The following MARCHF8 variants were observed in gnomAD, a reference collection of about 807,000 sequenced individuals.
The protein encoded by MARCHF8 is membrane associated ring-CH-type finger 8.
MARCHF8 carries 40 observed loss-of-function variants against 51.6 expected under a neutral mutation model. That is an observed-to-expected ratio of 0.77 (90% CI 0.60 to 1.01). MARCHF8 has a LOEUF of 1.01. Among genes scored for constraint, MARCHF8 ranks in the 50% least tolerant of loss-of-function variants. The pLI is 0.00. For synonymous variants in MARCHF8, 263 were observed against 280.3 expected (o/e 0.94, Z 0.62); for missense variants, 685 against 708.6 (o/e 0.97, Z 0.38).
chr10:45,481,184 A>C (rs1306593209), intron 3 of MARCHF8, among the ~76,000 whole-genome samples: 1 of 152,138 alleles, frequency 6.6e-6, no homozygotes, highest in Non-Finnish European at 1.5e-5. Flanking sequence ...ATTTGGAATG[A>C]GTGTATTTAT....
chr10:45,568,365 G>A (rs2044388554), intron 1 of MARCHF8, among the ~76,000 whole-genome samples: 2 of 152,118 alleles, frequency 1.3e-5, no homozygotes, highest in Admixed American at 6.5e-5. Flanking sequence ...TGGAGCAAGG[G>A]TGTCCAATTT....
At chr10:45,581,789 T>C (rs1322619748) in intron 1 of MARCHF8, among the ~76,000 whole-genome samples, 1 of 152,080 alleles carries the variant, frequency 6.6e-6, no homozygotes, top group Admixed American at 6.5e-5. Context: ...AAACTCAAAG[T>C]TCCCAGCTTA....
intron 1 of MARCHF8, among the ~76,000 whole-genome samples, chr10:45,550,407 C>T (rs2044181739): frequency 6.6e-6 from 1 of 152,158 alleles, no homozygotes; most frequent in Non-Finnish European, 1.5e-5. Flanking sequence ...AAGTTTGTAA[C>T]AGAAAAATCG....
At chr10:45,524,296 A>G (rs1303510139) in intron 2 of MARCHF8, among the ~76,000 whole-genome samples, 1 of 152,220 alleles carries the variant, frequency 6.6e-6, no homozygotes, top group Non-Finnish European at 1.5e-5. Flanking sequence ...AGCATGCTAC[A>G]ACTTTCTATA....
chr10:45,506,298 A>G (rs1348434646), intron 2 of MARCHF8, among the ~76,000 whole-genome samples: 1 of 152,230 alleles, frequency 6.6e-6, no homozygotes, highest in African/African-American at 2.4e-5. Context: ...AAACAGTTGT[A>G]TCTTTACTGA....
At chr10:45,592,376 T>C (rs887052444) in intron 1 of MARCHF8, among the ~76,000 whole-genome samples, 1 of 152,196 alleles carries the variant, frequency 6.6e-6, no homozygotes, top group Non-Finnish European at 1.5e-5. Flanking sequence ...TCCTGATTAC[T>C]TGGCATCAGA....
At chr10:45,541,789 T>C (rs1052934761) in intron 1 of MARCHF8, among the ~76,000 whole-genome samples, 1 of 152,086 alleles carries the variant, frequency 6.6e-6, no homozygotes, top group Non-Finnish European at 1.5e-5. Context: ...AGTCAACAGA[T>C]AATAGCTAAT....
chr10:45,526,762 GAACA>G (rs574665884), intron 2 of MARCHF8, among the ~76,000 whole-genome samples: 50 of 150,526 alleles, frequency 3.3e-4, no homozygotes, highest in Admixed American at 1.1e-3. Context: ...TTGGACTGTA[GAACA>G]AATAGACCTA....
chr10:45,491,818 A>G (rs907304877), intron 2 of MARCHF8, among the ~76,000 whole-genome samples: 2 of 152,218 alleles, frequency 1.3e-5, no homozygotes, highest in Non-Finnish European at 2.9e-5. Context: ...CAGAAAGCCA[A>G]TTATAACCAC....
intron 2 of MARCHF8, among the ~76,000 whole-genome samples, chr10:45,529,549 A>T (rs1278219390): frequency 6.6e-6 from 1 of 152,218 alleles, no homozygotes; most frequent in Non-Finnish European, 1.5e-5. Flanking sequence ...ACAGAACAGG[A>T]GAAAATATCT....
At chr10:45,492,508 A>G (rs1470795328) in intron 2 of MARCHF8, among the ~76,000 whole-genome samples, 1 of 152,134 alleles carries the variant, frequency 6.6e-6, no homozygotes, top group African/African-American at 2.4e-5. Context: ...TGTGTTAGCC[A>G]GGATGGTCTC....
Position 45,457,941 on chromosome 10 carries a change from T to G in MARCHF8, c.*298A>C. ...TCCTCCTCTTCCCTTGGGATTGGCATTTTATTCTCTCATTCAGCTCAAGAC... is the reference window on the plus strand; with the variant it reads ...TCCTCCTCTTCCCTTGGGATTGGCAGTTTATTCTCTCATTCAGCTCAAGAC... On this transcript the variant is annotated 3_prime_UTR_variant, in exon 8 of 8. Coordinates refer to ENST00000453424, the MANE Select transcript of MARCHF8 (RefSeq NM_001282866.2). 2.9e-6 allele frequency: 1 copy of G among 342,928 alleles called. No individual in the cohort carries two copies. Among genetic ancestry groups the G allele is most frequent in the Non-Finnish European group, 5.2e-6 (1 of 191,590 alleles). The allele number at this position is 342,928 out of a possible 1,614,324, so 21.2% of individuals were successfully genotyped here. A position where few individuals can be genotyped will look rare whatever the true frequency, so the allele number is the denominator to read the frequency against.
At chr10:45,517,231 G>A (rs1426301481) in intron 2 of MARCHF8, among the ~76,000 whole-genome samples, 2 of 152,198 alleles carry the variant, frequency 1.3e-5, no homozygotes, top group African/African-American at 4.8e-5. Context: ...TTCTACCGAT[G>A]TTTTAGGGCC....
intron 3 of MARCHF8, among the ~76,000 whole-genome samples, chr10:45,469,687 A>G (rs1402698539): frequency 6.6e-6 from 1 of 151,850 alleles, no homozygotes; most frequent in Non-Finnish European, 1.5e-5. Context: ...AACACGGTGA[A>G]ACCCCGTCTC....
At chr10:45,537,732 T>C (rs1191672973), upstream of MARCHF8, among the ~76,000 whole-genome samples, 1 of 151,882 alleles carries the variant, frequency 6.6e-6, no homozygotes, top group African/African-American at 2.4e-5. Flanking sequence ...ATGACAGTTG[T>C]ATGGAATGCC....
At chr10:45,542,301 C>T (rs923999113) in intron 1 of MARCHF8, among the ~76,000 whole-genome samples, 2 of 140,862 alleles carry the variant, frequency 1.4e-5, no homozygotes, top group Non-Finnish European at 3.0e-5. Flanking sequence ...GAGCCGAGAC[C>T]GTCCTACCGC....
At chr10:45,532,963 A>G in intron 2 of MARCHF8, 147 bp downstream of exon 2, 1 of 514,992 alleles carries the variant, frequency 1.9e-6, no homozygotes, top group Non-Finnish European at 3.0e-6. Flanking sequence ...CTACAAAAAG[A>G]CAATTCCTTC....
intron 1 of MARCHF8, among the ~76,000 whole-genome samples, chr10:45,546,989 G>A (rs948705005): frequency 3.9e-5 from 6 of 152,142 alleles, no homozygotes; most frequent in African/African-American, 1.4e-4. Flanking sequence ...TTGGGAGGCT[G>A]AGGTGGGAGG....
At chr10:45,572,727 A>G (rs2044445197) in intron 1 of MARCHF8, among the ~76,000 whole-genome samples, 1 of 151,624 alleles carries the variant, frequency 6.6e-6, no homozygotes, top group Non-Finnish European at 1.5e-5. Context: ...AGCGTCTCTG[A>G]GTCTTTTGAA....
Sources: gnomAD v4.1 joint callset for allele counts (sites outside exome capture counted in the v4.1 genomes callset) on GRCh38, gnomAD v4.1.1 for gene constraint, MANE v1.5 for transcripts, NCBI Gene and HGNC (gene_info 2026-07-23, HGNC 2026-07-21) for gene names.